MELTF: variants seen among roughly 807,000 people sequenced by gnomAD.
MELTF encodes the protein antigen p97 (melanoma associated) identified by monoclonal antibodies 133.2 and 96.5.
In MELTF, 67 loss-of-function variants were observed where a neutral mutation model predicts 83.7. The observed-to-expected ratio is 0.80, with a 90% confidence interval of 0.66 to 0.98. The LOEUF (loss-of-function observed/expected upper bound fraction) is 0.98, where lower values mean the gene tolerates loss of function less well. Ranked by LOEUF, MELTF falls within the 50% of genes least tolerant of loss-of-function variation. The probability of loss-of-function intolerance (pLI) is 0.00; values close to 1 mark genes in which losing one functional copy is unlikely to be tolerated. For synonymous variants in MELTF, 462 were observed against 447.6 expected (o/e 1.03, Z -0.41); for missense variants, 1,002 against 1,035.6 (o/e 0.97, Z 0.44).
intron 9 of MELTF, among the ~76,000 whole-genome samples, chr3:197,012,041 G>A (rs1167553769): frequency 2.0e-5 from 3 of 152,172 alleles, no homozygotes; most frequent in East Asian, 1.9e-4. Flanking sequence ...AGCCCTTTCC[G>A]CAGTTCCGGT....
At position 197,029,420 on chromosome 3, in the gene MELTF, C is replaced by CGGAAG. The variant is rs2148596987; in HGVS notation, c.49+229_49+233dup. ...CAGCCCGCGCTTCTCCTTGGAGCGT[C>CGGAAG]GGAAGCCTCGGGTGTTCGAGGCCGC... On this transcript the variant is annotated intron_variant, in intron 1 of 15. Coordinates refer to ENST00000296350, the MANE Select transcript of MELTF (RefSeq NM_005929.6). This position sits in a 1 kb window ranked among gnomAD's most constrained non-coding sequence, Gnocchi z 6.5. The CGGAAG allele has an allele frequency of 2.6e-6, 1 of 388,208 alleles. No homozygotes were observed. Among genetic ancestry groups the CGGAAG allele is most frequent in the South Asian group, 1.4e-4 (1 of 7,000 alleles). 24.0% of individuals were successfully genotyped at this position (388,208 alleles called of 1,614,324 possible). A position where few individuals can be genotyped will look rare whatever the true frequency, so the allele number is the denominator to read the frequency against.
rs543593585 is a variant in MELTF, at chr3:197,019,189, G to A, written c.713-1899C>T. 1.5e-4 allele frequency: 148 copies of A among 1,000,988 alleles called. No individual in the cohort carries two copies. In the Admixed American group the frequency reaches 1.6e-3, roughly 11 times the overall value. 62.0% of individuals were successfully genotyped at this position (1,000,988 alleles called of 1,614,324 possible). The stretch of plus-strand genomic sequence containing the variant: ...AATGATTCAGTGTAGTCCTACCCCC[G>A]CTTCCCAACTTTCCTGTTTTTCGGC... On this transcript the variant is annotated intron_variant, in intron 6 of 15. Transcript: ENST00000296350.
At chr3:197,012,083 G>A (rs1214473266) in intron 9 of MELTF, among the ~76,000 whole-genome samples, 4 of 152,186 alleles carry the variant, frequency 2.6e-5, no homozygotes, top group South Asian at 2.1e-4. Flanking sequence ...ACACACAGTC[G>A]CGCTCAGCTC....
At chr3:197,009,978 G>A (rs116005180) in intron 10 of MELTF, among the ~76,000 whole-genome samples, 166 bp from the exon 11 acceptor site, 4,976 of 152,302 alleles carry the variant, frequency 0.033, 152 homozygotes, top group African/African-American at 0.074. Context: ...CAGGCCCAGC[G>A]GGGGCCCCTG....
Position 197,017,721 on chromosome 3 carries a change from C to CA in MELTF, c.713-432dup, listed in dbSNP as rs1252470886. 1.3e-4 allele frequency among the ~76,000 whole-genome samples: 19 copies of CA among 151,892 alleles called. No individual in the cohort carries two copies. The East Asian group carries it at 1.6e-3, about 12-fold the overall frequency. ...TGAAACCCCATCTCTACTAAAAATA[C>CA]AAAAAATTAGCTGGGCGTGGTGGCG... On this transcript the variant is annotated intron_variant, in intron 6 of 15. Transcript: ENST00000296350.
chr3:197,028,181 A>G, intron 1 of MELTF: 1 of 435,210 alleles, frequency 2.3e-6, no homozygotes, highest in Non-Finnish European at 4.2e-6. Context: ...GAGGGTCTAC[A>G]GGTCGCTTCT....
At chr3:197,017,994 C>T (rs1369851545) in intron 6 of MELTF, among the ~76,000 whole-genome samples, 3 of 152,202 alleles carry the variant, frequency 2.0e-5, no homozygotes, top group African/African-American at 4.8e-5. Flanking sequence ...GCAGGGCTCC[C>T]GGAGCAGGGG....
intron 1 of MELTF, chr3:197,028,597 T>C (rs1218442611): frequency 2.0e-5 from 3 of 152,642 alleles, no homozygotes; most frequent in Admixed American, 6.5e-5. Context: ...AACCCCCTTG[T>C]AGAGAGCCTG....
chr3:197,019,662 G>A (rs200788993), intron 6 of MELTF: 80 of 1,613,676 alleles, frequency 5.0e-5, no homozygotes, highest in African/African-American at 5.3e-5. Context: ...TGTCAGACTC[G>A]TCCTGGGGCC....
intron 9 of MELTF, among the ~76,000 whole-genome samples, chr3:197,013,448 G>A (rs904012291): frequency 2.6e-5 from 4 of 152,292 alleles, no homozygotes; most frequent in African/African-American, 9.6e-5. Context: ...AACGCTTCAG[G>A]ACATTGGTCT....
In MELTF at chr3:197,003,375, G is replaced by A. The variant is rs1251635656; in HGVS notation, c.2214C>T (p.Leu738=). ...CTCTGGGGCGGGGCGGCCGGGCTCA[G>A]AGGGCGGGCGGGAGCAGGCGGGCGG... ...ALAARLLPPA[L] is the part of the protein sequence containing the mutation. Residue 738 remains leucine, a synonymous_variant, in exon 16 of 16, where the codon CTC becomes CTT. Transcript: ENST00000296350. The surrounding 1 kb of genome is among the most constrained non-coding windows in gnomAD (Gnocchi z 6.2). 4.6e-6 allele frequency: 5 copies of A among 1,077,796 alleles called. No individual in the cohort carries two copies. In the East Asian group the frequency reaches 3.1e-4, roughly 66 times the overall value. The allele number at this position is 1,077,796 out of a possible 1,614,324, so 66.8% of individuals were successfully genotyped here.
chr3:197,027,718 G>T, intron 2 of MELTF, 38 bp downstream of exon 2: 1 of 1,582,740 alleles, frequency 6.3e-7, no homozygotes, highest in Non-Finnish European at 8.6e-7. Context: ...CTGAGTCACA[G>T]CCCTCTTGTC....
chr3:197,015,836 C>A (rs373159552), intron 8 of MELTF, among the ~76,000 whole-genome samples: 1 of 152,114 alleles, frequency 6.6e-6, no homozygotes, highest in Non-Finnish European at 1.5e-5. Flanking sequence ...ATGGCACCTG[C>A]GCCAGGGCTG....
At chr3:197,019,261 CACAG>C (rs1719524733) in intron 6 of MELTF, 1 of 1,025,374 alleles carries the variant, frequency 9.8e-7, no homozygotes, top group South Asian at 4.2e-5. Context: ...TTTGCCTTCC[CACAG>C]ACAAAGGCAT....
rs1719653476 is a variant in MELTF, at chr3:197,022,278, G to A, written c.644+679C>T. 6.6e-6 allele frequency among the ~76,000 whole-genome samples: 1 copy of A among 152,160 alleles called. No individual in the cohort carries two copies. The highest frequency in any genetic ancestry group is 1.5e-5 in the Non-Finnish European group (1 of 68,036). Reference sequence around the variant, plus strand: ...AGGAGAGGGCTCTGAGGCTCCAAGAGAGCCAGAGAGAATGTGTGCATGGCC... The same window carrying A: ...AGGAGAGGGCTCTGAGGCTCCAAGAAAGCCAGAGAGAATGTGTGCATGGCC... On this transcript the variant is annotated intron_variant, in intron 5 of 15. Transcript: ENST00000296350. This position sits in a 1 kb window ranked among gnomAD's most constrained non-coding sequence, Gnocchi z 5.1.
rs1408068993 is a variant in MELTF at position 197,017,270 on chromosome 3, C to G, written c.733G>C (p.Gly245Arg). 1.9e-6 allele frequency: 3 copies of G among 1,566,782 alleles called. No individual in the cohort carries two copies. Among genetic ancestry groups the G allele is most frequent in the Non-Finnish European group, 1.7e-6 (2 of 1,155,864 alleles). Residue 245 changes from glycine (G) to arginine (R), a missense_variant, in exon 7 of 16, where the codon GGC becomes CGC. Transcript: ENST00000296350. ...AAGTCCTGTGACAGCAGGGCCTGGCCCCAGGAGGGAAGCGTCTTCCCTGGG... is the reference window on the plus strand; with the variant it reads ...AAGTCCTGTGACAGCAGGGCCTGGCGCCAGGAGGGAAGCGTCTTCCCTGGG... Reference protein sequence around the residue: ...NTDGKTLPSWGQALLSQDFEL... With the variant: ...NTDGKTLPSWRQALLSQDFEL...
At chr3:197,015,280 C>T in intron 9 of MELTF, 85 bp downstream of exon 9, 1 of 1,405,546 alleles carries the variant, frequency 7.1e-7, no homozygotes, top group South Asian at 1.4e-5. Flanking sequence ...CTTCCCCAGG[C>T]AGCAGGGGGT....
intron 14 of MELTF, 28 bp from the exon 15 acceptor site, chr3:197,004,127 C>T: frequency 6.2e-7 from 1 of 1,611,412 alleles, no homozygotes; most frequent in Non-Finnish European, 8.5e-7. Flanking sequence ...AGACGACCTG[C>T]TCCTCACTGG....
rs541191762 is a variant in MELTF, at chr3:197,016,447, C to T, written c.901-78G>A. 1.5e-5 allele frequency: 20 copies of T among 1,329,354 alleles called. No homozygotes were observed. The East Asian group carries it at 4.6e-4, about 30-fold the overall frequency. 82.3% of individuals were successfully genotyped at this position (1,329,354 alleles called of 1,614,324 possible). A position where few individuals can be genotyped will look rare whatever the true frequency, so the allele number is the denominator to read the frequency against. Reference sequence around the variant, plus strand: ...CCTTCCCTCCCACTTTGGCCCCTACCTCCTTCTTCCCCGACCTCAGACCAG... The same window carrying T: ...CCTTCCCTCCCACTTTGGCCCCTACTTCCTTCTTCCCCGACCTCAGACCAG... On this transcript the variant is annotated intron_variant, in intron 7 of 15. Coordinates refer to ENST00000296350, the MANE Select transcript of MELTF (RefSeq NM_005929.6).
Sources: allele counts gnomAD v4.1 joint callset (sites outside exome capture counted in the v4.1 genomes callset), GRCh38; gene constraint gnomAD v4.1.1; non-coding constraint Gnocchi (gnomAD v3.1); transcripts MANE v1.5; gene names NCBI Gene and HGNC (gene_info 2026-07-23, HGNC 2026-07-21).